ARHGEF11: variants seen among roughly 807,000 people sequenced by gnomAD.
ARHGEF11 encodes the protein Rho guanine exchange factor (GEF) 11.
In ARHGEF11, 55 loss-of-function variants were observed where a neutral mutation model predicts 193.7. The observed-to-expected ratio is 0.28, with a 90% CI of 0.23 to 0.36. ARHGEF11 has a LOEUF of 0.36. ARHGEF11 is among the 10% of genes least tolerant of loss of function. The pLI is 1.00. For missense variants in ARHGEF11, 1,723 were observed against 2,005.6 expected (o/e 0.86, Z 2.69); for synonymous variants, 693 against 768.0 (o/e 0.90, Z 1.62).
intron 26 of ARHGEF11, 47 bp downstream of exon 26, chr1:156,947,257 G>C (rs775597614): frequency 2.6e-6 from 4 of 1,564,730 alleles, no homozygotes; most frequent in Non-Finnish European, 3.5e-6. Context: ...GGAACAGGAA[G>C]CTGAAGGGCA....
Position 156,984,470 on chromosome 1 carries a change from T to C in ARHGEF11, c.125-33A>G, listed in dbSNP as rs1374392079. ...GCGGAGAGAAAGGTTGAGTACGCAG[T>C]GTCACTGGGAGGTTAGTGTACACAT... On this transcript the variant is annotated intron_variant, in intron 2 of 40. Transcript: ENST00000368194. The C allele has an allele frequency of 4.0e-5, 61 of 1,530,610 alleles. No homozygotes were observed. The East Asian group carries it at 1.3e-3, about 33-fold the overall frequency. The allele number at this position is 1,530,610 out of a possible 1,614,324, so 94.8% of individuals were successfully genotyped here.
rs1254657409 is a variant in ARHGEF11, at chr1:156,977,015, T to G, written c.550A>C (p.Asn184His). The G allele has an allele frequency of 6.2e-7, 1 of 1,614,158 alleles. No homozygotes were observed. Among genetic ancestry groups the G allele is most frequent in the East Asian group, 2.2e-5 (1 of 44,876 alleles). Residue 184 changes from asparagine to histidine, a missense_variant, in exon 7 of 41, where the codon AAT becomes CAT. Physicochemically the swap from Asn to His is moderately conservative, Grantham distance 68. Coordinates refer to ENST00000368194, the MANE Select transcript of ARHGEF11 (RefSeq NM_198236.3). ...VQKHATQILR[N>H]MLRQEEKELQ... is the part of the protein sequence containing the mutation. ...TCTTTTTCTTCCTGCCTCAGCATATTCCTGAGGATCTGGGTGGCATGTTTT... is the reference window on the plus strand; with the variant it reads ...TCTTTTTCTTCCTGCCTCAGCATATGCCTGAGGATCTGGGTGGCATGTTTT...
At chr1:156,941,284 C>T (rs1656832524) in intron 35 of ARHGEF11, 88 bp downstream of exon 35, 1 of 1,268,600 alleles carries the variant, frequency 7.9e-7, no homozygotes, top group Non-Finnish European at 1.2e-6. Context: ...CCCTGATGGA[C>T]TCTCCCATCG....
intron 1 of ARHGEF11, among the ~76,000 whole-genome samples, chr1:156,996,857 C>CTTTTT (rs1430207872): frequency 9.3e-6 from 1 of 107,772 alleles, no homozygotes; most frequent in Non-Finnish European, 1.8e-5. Context: ...ACCTCTCTCT[C>CTTTTT]TATTTTTTTT....
chr1:156,937,622 G>C, intron 38 of ARHGEF11, 126 bp from the exon 39 acceptor site: 1 of 1,020,694 alleles, frequency 9.8e-7, no homozygotes, highest in Non-Finnish European at 1.4e-6. Context: ...GACAAACTCA[G>C]AGAACGTGGG....
intron 21 of ARHGEF11, among the ~76,000 whole-genome samples, chr1:156,954,464 G>T (rs973824350): frequency 2.0e-5 from 3 of 150,544 alleles, no homozygotes; most frequent in Non-Finnish European, 4.4e-5. Flanking sequence ...ATGTGTGAGG[G>T]TTCCCCTCAC....
chr1:157,017,945 T>C (rs1167472458), intron 1 of ARHGEF11, among the ~76,000 whole-genome samples: 1 of 152,050 alleles, frequency 6.6e-6, no homozygotes. Context: ...GATTCTAAAA[T>C]CCTAGAGAAT....
intron 1 of ARHGEF11, among the ~76,000 whole-genome samples, chr1:157,024,155 T>A (rs1284300099): frequency 6.6e-6 from 1 of 152,204 alleles, no homozygotes; most frequent in Non-Finnish European, 1.5e-5. Context: ...TAAAGTATCG[T>A]GCTAAGTGAA....
At chr1:156,977,903 C>G (rs1162456393) in intron 6 of ARHGEF11, among the ~76,000 whole-genome samples, 4 of 152,224 alleles carry the variant, frequency 2.6e-5, no homozygotes, top group African/African-American at 9.6e-5. Flanking sequence ...TGTACACTCT[C>G]TCTCTGATGA....
intron 2 of ARHGEF11, 55 bp from the exon 3 acceptor site, chr1:156,984,492 A>C: frequency 7.5e-7 from 1 of 1,334,884 alleles, no homozygotes; most frequent in Non-Finnish European, 1.0e-6. Context: ...GTTAGTGTAC[A>C]CATGCCAAGA....
chr1:156,964,416 T>G (rs1049511677), intron 11 of ARHGEF11, among the ~76,000 whole-genome samples: 1 of 152,198 alleles, frequency 6.6e-6, no homozygotes, highest in Non-Finnish European at 1.5e-5. Flanking sequence ...AATTTGATAT[T>G]TTTCATTTCC....
chr1:156,971,749 C>T lies in ARHGEF11; in HGVS notation c.650G>A (p.Arg217Gln), dbSNP rs775718328. 5 of 1,613,870 alleles carry T rather than the reference C, an allele frequency of 3.1e-6. No individual in the cohort carries two copies. Among genetic ancestry groups the T allele is most frequent in the East Asian group, 2.2e-5 (1 of 44,890 alleles). The change falls in exon 8 of 41, where the codon CGG becomes CAG. Residue 217 changes from arginine (R) to glutamine (Q), a missense_variant. Arg to Gln is a conservative substitution (Grantham distance 43, BLOSUM62 1). Coordinates refer to ENST00000368194, the MANE Select transcript of ARHGEF11 (RefSeq NM_198236.3). ...CTTCAGCTGTAACTGAGTGACTCGC[C>T]GCCGGGCACCTTCGATCTGCTCTTC... The part of the protein sequence containing the change: ...LLEEQIEGAR[R>Q]RVTQLQLKIQ...
chr1:156,966,125 C>T (rs1026701745), intron 11 of ARHGEF11, among the ~76,000 whole-genome samples: 4 of 152,190 alleles, frequency 2.6e-5, no homozygotes, highest in African/African-American at 7.2e-5. Flanking sequence ...ACTAAAATCA[C>T]AACACCACCA....
chr1:156,985,110 T>A (rs540563439), intron 2 of ARHGEF11, among the ~76,000 whole-genome samples: 1 of 152,114 alleles, frequency 6.6e-6, no homozygotes, highest in Non-Finnish European at 1.5e-5. Context: ...ATACTAGACA[T>A]CGTACATGTG....
intron 1 of ARHGEF11, among the ~76,000 whole-genome samples, chr1:157,023,939 A>T (rs1301658799): frequency 6.6e-6 from 1 of 152,206 alleles, no homozygotes; most frequent in Non-Finnish European, 1.5e-5. Flanking sequence ...CCTCCTACAT[A>T]TACAACCAAG....
chr1:156,953,636 G>A (rs542947001), intron 21 of ARHGEF11, among the ~76,000 whole-genome samples: 1 of 152,188 alleles, frequency 6.6e-6, no homozygotes, highest in Non-Finnish European at 1.5e-5. Flanking sequence ...AAAATAAATT[G>A]CAGTAACAGA....
intron 1 of ARHGEF11, among the ~76,000 whole-genome samples, chr1:157,008,855 A>G: frequency 6.6e-6 from 1 of 152,244 alleles, no homozygotes; most frequent in South Asian, 2.1e-4. Context: ...AGCCAATGGT[A>G]TCACCTTTGA....
chr1:156,944,272 T>C (rs1039996276), intron 31 of ARHGEF11, 86 bp downstream of exon 31: 7 of 1,499,294 alleles, frequency 4.7e-6, no homozygotes, highest in African/African-American at 1.4e-5. Flanking sequence ...CCTCCAGTCA[T>C]GTTTCCATGC....
At chr1:156,936,742 T>C (rs1655448077) in intron 40 of ARHGEF11, 74 bp downstream of exon 40, 26 of 1,498,644 alleles carry the variant, frequency 1.7e-5, no homozygotes, top group Admixed American at 5.8e-5. Flanking sequence ...TCTCACTGCT[T>C]AGTGATGTGT....
Sources: gnomAD v4.1 joint callset for allele counts (sites outside exome capture counted in the v4.1 genomes callset) on GRCh38, gnomAD v4.1.1 for gene constraint, MANE v1.5 for transcripts, NCBI Gene and HGNC (gene_info 2026-07-23, HGNC 2026-07-21) for gene names.